Variants in GLIPR1L1 observed in about 807,000 individuals in gnomAD.
GLIPR1L1 encodes GLIPR1-like protein 1.
Under a neutral mutation model 29.9 loss-of-function variants are expected in GLIPR1L1, and 26 were observed. The observed-to-expected ratio is 0.87, with a 90% CI of 0.64 to 1.21. The LOEUF is 1.21. Ranked by LOEUF, GLIPR1L1 falls within the 50% of genes most tolerant of loss-of-function variation. GLIPR1L1 has a pLI of 0.00. For missense variants in GLIPR1L1, 305 were observed against 290.3 expected (o/e 1.05, Z -0.37); for synonymous variants, 77 against 97.5 (o/e 0.79, Z 1.24).
chr12:75,369,772 C>T, intron 4 of GLIPR1L1, 188 bp from the exon 5 acceptor site: 1 of 984,006 alleles, frequency 1.0e-6, no homozygotes, highest in South Asian at 4.7e-5. Flanking sequence ...TGACATAACA[C>T]TGTTGGTAGG....
chr12:75,340,732 T>TAA lies in GLIPR1L1; in HGVS notation c.175-2950_175-2949dup, dbSNP rs540433596. 1.5e-3 allele frequency among the ~76,000 whole-genome samples: 180 copies of TAA among 122,844 alleles called. No individual in the cohort carries two copies. In the East Asian group the frequency reaches 0.015, roughly 10 times the overall value. 80.6% of individuals were successfully genotyped at this position (122,844 alleles called of 152,430 possible). A position where few individuals can be genotyped will look rare whatever the true frequency, so the allele number is the denominator to read the frequency against. ...AGAAAGAAGTCTCAAAACTCAACAGTAAAAAAAAAAAAGAAAAAAATTCAA... is the reference window on the plus strand; with the variant it reads ...AGAAAGAAGTCTCAAAACTCAACAGTAAAAAAAAAAAAAAGAAAAAAATTCAA... On this transcript the variant is annotated intron_variant, in intron 1 of 5. Coordinates refer to ENST00000378695, the MANE Select transcript of GLIPR1L1 (RefSeq NM_001304964.2).
intron 3 of GLIPR1L1, among the ~76,000 whole-genome samples, chr12:75,358,046 A>T (rs2043269720): frequency 6.6e-6 from 1 of 151,710 alleles, no homozygotes; most frequent in Non-Finnish European, 1.5e-5. Context: ...AGTTAAAAAC[A>T]TCGATGAAAA....
chr12:75,349,132 C>A (rs996847361), intron 3 of GLIPR1L1, among the ~76,000 whole-genome samples: 1 of 152,034 alleles, frequency 6.6e-6, no homozygotes, highest in Non-Finnish European at 1.5e-5. Context: ...AACACATGCA[C>A]GTGAGGAAAC....
At chr12:75,366,577 C>T (rs1593849842) in intron 4 of GLIPR1L1, among the ~76,000 whole-genome samples, 2 of 152,054 alleles carry the variant, frequency 1.3e-5, no homozygotes, top group South Asian at 4.1e-4. Context: ...AGAGAGGCAC[C>T]CTAAAACTAA....
At chr12:75,338,425 G>A (rs1253996199) in intron 1 of GLIPR1L1, among the ~76,000 whole-genome samples, 1 of 152,046 alleles carries the variant, frequency 6.6e-6, no homozygotes. Context: ...ACTCTTCATA[G>A]ATTCAATGAG....
intron 2 of GLIPR1L1, among the ~76,000 whole-genome samples, chr12:75,346,179 T>C (rs1262753686): frequency 2.0e-5 from 3 of 152,222 alleles, no homozygotes; most frequent in Non-Finnish European, 4.4e-5. Context: ...TAAAATTTAA[T>C]GATGTAGTTA....
chr12:75,369,975 T>C lies in GLIPR1L1; in HGVS notation c.626T>C (p.Ile209Thr), dbSNP rs76790820. 2,972 of 1,088,732 alleles carry C rather than the reference T, an allele frequency of 2.7e-3. 47 individuals are homozygous for C. The African/African-American group carries it at 0.042, about 15-fold the overall frequency. 67.4% of individuals were successfully genotyped at this position (1,088,732 alleles called of 1,614,324 possible). A position where few individuals can be genotyped will look rare whatever the true frequency, so the allele number is the denominator to read the frequency against. ...TTTACTTTAGGGACTCCACAACTTA[T>C]TATACCTAACCGTATGTATCAAAAT... ...VKNLCRTPQL[I>T]IPNQNPFLKP... Residue 209 changes from isoleucine (I) to threonine (T), a missense_variant, in exon 5 of 6, where the codon ATT (isoleucine) becomes ACT (threonine). Physicochemically the swap from Ile to Thr is moderately conservative, Grantham distance 89 (BLOSUM62 -1). Coordinates refer to ENST00000378695, the MANE Select transcript of GLIPR1L1 (RefSeq NM_001304964.2).
chr12:75,367,994 T>G (rs1169105637), intron 4 of GLIPR1L1, among the ~76,000 whole-genome samples: 1 of 152,130 alleles, frequency 6.6e-6, no homozygotes, highest in African/African-American at 2.4e-5. Flanking sequence ...AGTTTTTAAT[T>G]TGAATAAATG....
chr12:75,343,760 A>C lies in GLIPR1L1; in HGVS notation c.242A>C (p.Asp81Ala). Reference protein sequence around the residue: ...WANQCKFEHNDCLDKSYKCYA... With the variant: ...WANQCKFEHNACLDKSYKCYA... ...AACCAGTGCAAATTTGAACATAATG[A>C]CTGTTTGGATAAATCATATAAATGC... Residue 81 changes from aspartate (D) to alanine (A), a missense_variant, in exon 2 of 6, where the codon GAC (aspartate) becomes GCC (alanine). Transcript: ENST00000378695. The C allele has an allele frequency of 1.9e-6, 3 of 1,612,666 alleles. No homozygotes were observed. Among genetic ancestry groups the C allele is most frequent in the Non-Finnish European group, 2.5e-6 (3 of 1,178,838 alleles).
At position 75,334,861 on chromosome 12, in the gene GLIPR1L1, C is replaced by T. The variant is rs1047033107; in HGVS notation, c.133C>T (p.Arg45Cys). 3.1e-6 allele frequency: 5 copies of T among 1,614,034 alleles called. No individual in the cohort carries two copies. Among genetic ancestry groups the T allele is most frequent in the Non-Finnish European group, 3.4e-6 (4 of 1,179,980 alleles). Residue 45 changes from arginine to cysteine, a missense_variant, in exon 1 of 6, where the codon CGT becomes TGT. Coordinates refer to ENST00000378695, the MANE Select transcript of GLIPR1L1 (RefSeq NM_001304964.2). ...CTGCATAGAAGCCCACAACGAATGG[C>T]GTGGCAAAGTCAACCCTCCCGCGGC... ...DNCIEAHNEW[R>C]GKVNPPAADM...
chr12:75,353,031 C>T (rs1188522666), intron 3 of GLIPR1L1, among the ~76,000 whole-genome samples: 1 of 152,092 alleles, frequency 6.6e-6, no homozygotes, highest in Non-Finnish European at 1.5e-5. Flanking sequence ...TAAATGCTCA[C>T]ATCAAAAAGC....
intron 3 of GLIPR1L1, chr12:75,360,046 G>T (rs143252692): frequency 6.6e-6 from 1 of 152,148 alleles, no homozygotes; most frequent in Non-Finnish European, 1.5e-5. Context: ...AAAACCATCA[G>T]ATCTCATGAG....
At chr12:75,341,940 G>A (rs2042150341) in intron 1 of GLIPR1L1, among the ~76,000 whole-genome samples, 1 of 151,790 alleles carries the variant, frequency 6.6e-6, no homozygotes. Flanking sequence ...TAGCGATGGG[G>A]TTTCACCCTG....
In GLIPR1L1 at chr12:75,370,439, T is replaced by C. The variant is rs1005502859; in HGVS notation, c.*263T>C. On this transcript the variant is annotated 3_prime_UTR_variant, in exon 6 of 6. Transcript: ENST00000378695. Reference sequence around the variant, plus strand: ...CCACTCTTTAATTTTCTAATGAGAATGGATTATCATTTTAGTTATAGTACA... The same window carrying C: ...CCACTCTTTAATTTTCTAATGAGAACGGATTATCATTTTAGTTATAGTACA... 3.8e-6 allele frequency: 1 copy of C among 262,358 alleles called. No homozygotes were observed. 16.3% of individuals were successfully genotyped at this position (262,358 alleles called of 1,614,324 possible).
intron 4 of GLIPR1L1, among the ~76,000 whole-genome samples, chr12:75,366,472 A>G (rs1228550234): frequency 6.6e-6 from 1 of 152,148 alleles, no homozygotes; most frequent in Non-Finnish European, 1.5e-5. Context: ...CTATTAGCTT[A>G]AAATGTGCAA....
chr12:75,357,759 A>C (rs1183579683), intron 3 of GLIPR1L1, among the ~76,000 whole-genome samples: 2 of 152,096 alleles, frequency 1.3e-5, no homozygotes, highest in Non-Finnish European at 2.9e-5. Context: ...TAAATAACTC[A>C]TGAATCAAAG....
intron 3 of GLIPR1L1, among the ~76,000 whole-genome samples, chr12:75,350,191 G>C (rs1462493038): frequency 6.6e-6 from 1 of 152,248 alleles, no homozygotes. Flanking sequence ...GCCTACCTGA[G>C]GGATTTTCAG....
chr12:75,339,174 CCA>C lies in GLIPR1L1; in HGVS notation c.174+4276_174+4277del, dbSNP rs1315560370. Among the ~76,000 whole-genome samples, 3 of 152,166 alleles carry C rather than the reference CCA, an allele frequency of 2.0e-5. No individual in the cohort carries two copies. The East Asian group carries it at 5.8e-4, about 29-fold the overall frequency. On this transcript the variant is annotated intron_variant, in intron 1 of 5. Coordinates refer to ENST00000378695, the MANE Select transcript of GLIPR1L1 (RefSeq NM_001304964.2). ...CTGACTCTAGATCTTTGAGGAATTG[CCA>C]CACTGTCCTCCACAATGGGTAAACT...
At chr12:75,344,504 A>C (rs976008666) in intron 2 of GLIPR1L1, among the ~76,000 whole-genome samples, 1 of 152,010 alleles carries the variant, frequency 6.6e-6, no homozygotes, top group African/African-American at 2.4e-5. Context: ...TATACCTAAT[A>C]TGTTTTCTCT....
Sources: gnomAD v4.1 joint callset for allele counts (sites outside exome capture counted in the v4.1 genomes callset) on GRCh38, gnomAD v4.1.1 for gene constraint, MANE v1.5 for transcripts, NCBI Gene and HGNC (gene_info 2026-07-23, HGNC 2026-07-21) for gene names.